TBL1XR1: variants seen among roughly 807,000 people sequenced by gnomAD.
The protein encoded by TBL1XR1 is F-box-like/WD repeat-containing protein TBL1XR1.
A neutral mutation model predicts 66.9 loss-of-function variants in TBL1XR1; 5 were observed. That is an observed-to-expected ratio of 0.07 (90% CI 0.04 to 0.16). The LOEUF is 0.16. Among genes scored for constraint, TBL1XR1 ranks in the 10% least tolerant of loss-of-function variants. The pLI is 1.00. For missense variants in TBL1XR1, 238 were observed against 623.2 expected, an observed-to-expected ratio of 0.38 and a Z score of 6.58; for synonymous variants, 210 against 206.0, an observed-to-expected ratio of 1.02 and a Z score of -0.17.
intron 1 of TBL1XR1, among the ~76,000 whole-genome samples, chr3:177,143,845 A>G (rs1729922125): frequency 6.6e-6 from 1 of 152,244 alleles, no homozygotes; most frequent in Non-Finnish European, 1.5e-5. Context: ...ACTAAAGAAA[A>G]CAACGCTTTG....
chr3:177,173,401 C>G (rs978144981), intron 1 of TBL1XR1, among the ~76,000 whole-genome samples: 4 of 152,112 alleles, frequency 2.6e-5, no homozygotes, highest in Non-Finnish European at 4.4e-5. Context: ...CACACATTAC[C>G]TTAACCAAGA....
In TBL1XR1 at chr3:177,025,658, G is replaced by C; in HGVS notation, c.1519-134C>G. The stretch of plus-strand genomic sequence containing the variant: ...AAATTGGTAAAGCATAATAATCATG[G>C]AAATGAGCACTTAACTGACAGAAAT... On this transcript the variant is annotated intron_variant, in intron 15 of 15. Transcript: ENST00000457928. 7.4e-6 allele frequency: 6 copies of C among 815,190 alleles called. No homozygotes were observed. The South Asian group carries it at 1.0e-4, about 14-fold the overall frequency. The allele number at this position is 815,190 out of a possible 1,614,324, so 50.5% of individuals were successfully genotyped here. A position where few individuals can be genotyped will look rare whatever the true frequency, so the allele number is the denominator to read the frequency against.
intron 1 of TBL1XR1, among the ~76,000 whole-genome samples, chr3:177,135,803 T>C (rs79265821): frequency 0.018 from 2,755 of 152,066 alleles, 31 homozygotes; most frequent in Non-Finnish European, 0.026. Context: ...ACAAGATTCC[T>C]GCTCTACTGG....
chr3:177,197,625 G>GGCGGGCGA (rs1216267600), upstream of TBL1XR1, among the ~76,000 whole-genome samples: 4 of 138,636 alleles, frequency 2.9e-5, no homozygotes, highest in Non-Finnish European at 4.8e-5. Context: ...GCGCCGGGCG[G>GGCGGGCGA]GCGGGCGAGC....
intron 1 of TBL1XR1, among the ~76,000 whole-genome samples, chr3:177,100,686 A>G (rs1724090585): frequency 6.6e-6 from 1 of 152,136 alleles, no homozygotes; most frequent in South Asian, 2.1e-4. Context: ...CCAACTCCCA[A>G]AGTGCTGGGA....
At chr3:177,174,250 T>TA (rs1290908311) in intron 1 of TBL1XR1, among the ~76,000 whole-genome samples, 3 of 151,240 alleles carry the variant, frequency 2.0e-5, no homozygotes, top group African/African-American at 7.3e-5. Context: ...GTAGTAAAAA[T>TA]ACAAAAAAAT....
rs1485736268 is a variant in TBL1XR1 at position 177,025,479 on chromosome 3, T to C, written c.*19A>G. 6.2e-7 allele frequency: 1 copy of C among 1,612,138 alleles called. No homozygotes were observed. Among genetic ancestry groups the C allele is most frequent in the Non-Finnish European group, 8.5e-7 (1 of 1,179,412 alleles). ...TATGTACACATTCATAGTCGGTCCATGGCTTCCAACTAGTAGCGCTATTTC... is the reference window on the plus strand; with the variant it reads ...TATGTACACATTCATAGTCGGTCCACGGCTTCCAACTAGTAGCGCTATTTC... On this transcript the variant is annotated 3_prime_UTR_variant, in exon 16 of 16. Coordinates refer to ENST00000457928, the MANE Select transcript of TBL1XR1 (RefSeq NM_024665.7).
rs1022128246 is a variant in TBL1XR1, at chr3:177,164,722, C to G, written c.-122+32399G>C. 6.4e-4 allele frequency among the ~76,000 whole-genome samples: 97 copies of G among 152,146 alleles called. 1 individual carries two copies. The highest frequency in any genetic ancestry group is 2.1e-4 in the Non-Finnish European group (14 of 68,018). On this transcript the variant is annotated intron_variant, in intron 1 of 15. Transcript: ENST00000457928. ...TGGAAAGATGTCTCATGTTCACGAACTGAAAGAATATTGTTAAAATGTCCA... is the reference window on the plus strand; with the variant it reads ...TGGAAAGATGTCTCATGTTCACGAAGTGAAAGAATATTGTTAAAATGTCCA...
At chr3:177,113,311 C>T (rs1220806313) in intron 1 of TBL1XR1, among the ~76,000 whole-genome samples, 2 of 152,038 alleles carry the variant, frequency 1.3e-5, no homozygotes, top group Non-Finnish European at 2.9e-5. Flanking sequence ...GCAATCTGGG[C>T]AAGGATTTTC....
chr3:177,031,502 T>C (rs1195644799), intron 14 of TBL1XR1, among the ~76,000 whole-genome samples: 1 of 151,560 alleles, frequency 6.6e-6, no homozygotes, highest in Admixed American at 6.6e-5. Flanking sequence ...TGGCTAATTT[T>C]TGTATTTTTA....
Position 177,175,523 on chromosome 3 carries a change from G to C in TBL1XR1, c.-122+21598C>G, listed in dbSNP as rs946664492. ...AAATGTTTTAAGAAAAACCAGTGCA[G>C]GCAGAGATCAGTATTGTACACACTC... On this transcript the variant is annotated intron_variant, in intron 1 of 15. Coordinates refer to ENST00000457928, the MANE Select transcript of TBL1XR1 (RefSeq NM_024665.7). 2.0e-5 allele frequency among the ~76,000 whole-genome samples: 3 copies of C among 152,300 alleles called. No individual in the cohort carries two copies. In the East Asian group the frequency reaches 5.8e-4, roughly 29 times the overall value.
intron 1 of TBL1XR1, among the ~76,000 whole-genome samples, chr3:177,158,428 C>T (rs1731784849): frequency 6.6e-6 from 1 of 151,956 alleles, no homozygotes; most frequent in Non-Finnish European, 1.5e-5. Flanking sequence ...GGAGTTTCAC[C>T]ATGTTGGCCA....
chr3:177,070,258 T>C (rs1371684598), intron 2 of TBL1XR1, among the ~76,000 whole-genome samples: 2 of 152,204 alleles, frequency 1.3e-5, no homozygotes, highest in African/African-American at 4.8e-5. Flanking sequence ...CCCACAGACA[T>C]TGACTTCAAC....
chr3:177,082,946 G>A (rs975131721), intron 2 of TBL1XR1, among the ~76,000 whole-genome samples: 3 of 150,952 alleles, frequency 2.0e-5, no homozygotes, highest in Admixed American at 2.0e-4. Context: ...TTTTAGTAGA[G>A]ACGTGGTTTC....
chr3:177,172,648 A>AGAGAGAGAG (rs1491384447), intron 1 of TBL1XR1, among the ~76,000 whole-genome samples: 1 of 126,586 alleles, frequency 7.9e-6, no homozygotes, highest in African/African-American at 2.9e-5. Flanking sequence ...AGAGAGAGAG[A>AGAGAGAGAG]AAGAGAGAGA....
intron 3 of TBL1XR1, among the ~76,000 whole-genome samples, chr3:177,059,268 C>G (rs1718202049): frequency 6.6e-6 from 1 of 152,094 alleles, no homozygotes; most frequent in Non-Finnish European, 1.5e-5. Context: ...GAAGGAATGG[C>G]CCAGTTACCT....
At chr3:177,137,808 G>GA (rs1346653072) in intron 1 of TBL1XR1, among the ~76,000 whole-genome samples, 5 of 151,640 alleles carry the variant, frequency 3.3e-5, no homozygotes, top group African/African-American at 1.2e-4. Flanking sequence ...CGACTCTACA[G>GA]AAAAAAATAA....
intron 1 of TBL1XR1, among the ~76,000 whole-genome samples, chr3:177,132,418 G>C (rs928117345): frequency 3.9e-5 from 6 of 152,178 alleles, no homozygotes; most frequent in Non-Finnish European, 8.8e-5. Context: ...AACCTAACTT[G>C]AAAGCACTTG....
At chr3:177,151,612 C>T (rs1475224434) in intron 1 of TBL1XR1, among the ~76,000 whole-genome samples, 1 of 152,152 alleles carries the variant, frequency 6.6e-6, no homozygotes, top group Non-Finnish European at 1.5e-5. Flanking sequence ...GGTTGGGGAC[C>T]ACTGGTTTAC....
Sources: allele counts gnomAD v4.1 joint callset (sites outside exome capture counted in the v4.1 genomes callset), GRCh38; gene constraint gnomAD v4.1.1; transcripts MANE v1.5; gene names NCBI Gene and HGNC (gene_info 2026-07-23, HGNC 2026-07-21).